RUFY4: variants seen among roughly 807,000 people sequenced by gnomAD.
The protein encoded by RUFY4 is RUN and FYVE domain containing 4, also known as RUN and FYVE domain-containing protein 4.
A neutral mutation model predicts 69.0 loss-of-function variants in RUFY4; 73 were observed. That is an observed-to-expected ratio of 1.06 (90% confidence interval 0.88 to 1.29). The LOEUF is 1.29. Among genes scored for constraint, RUFY4 ranks in the 50% most tolerant of loss-of-function variants. RUFY4 has a pLI of 0.00. For synonymous variants in RUFY4, 287 were observed against 271.8 expected (o/e 1.06, Z -0.55); for missense variants, 770 against 705.6 (o/e 1.09, Z -1.03).
At chr2:218,063,851 G>C (rs1296936562) in intron 3 of RUFY4, among the ~76,000 whole-genome samples, 4 of 152,106 alleles carry the variant, frequency 2.6e-5, no homozygotes, top group Non-Finnish European at 5.9e-5. Context: ...AGGTTCCTAA[G>C]AAGCTCTTCC....
At chr2:218,037,848 C>G (rs1227770955) in intron 2 of RUFY4, among the ~76,000 whole-genome samples, 1 of 152,094 alleles carries the variant, frequency 6.6e-6, no homozygotes, top group Non-Finnish European at 1.5e-5. Context: ...CTGGAAGGAT[C>G]CTATGTGGAG....
chr2:218,062,367 C>CT (rs1689217346), intron 3 of RUFY4, among the ~76,000 whole-genome samples: 1 of 148,164 alleles, frequency 6.7e-6, no homozygotes, highest in Non-Finnish European at 1.5e-5. Flanking sequence ...GATTGCACCA[C>CT]TGCACTCCAG....
At chr2:218,074,021 A>G in intron 6 of RUFY4, 136 bp downstream of exon 8, 1 of 863,952 alleles carries the variant, frequency 1.2e-6, no homozygotes, top group South Asian at 1.4e-5. Context: ...GCAAGAGGCC[A>G]GTGTGTGGAG....
At chr2:218,083,824 C>A (rs893961177) in intron 9 of RUFY4, among the ~76,000 whole-genome samples, 14 of 151,656 alleles carry the variant, frequency 9.2e-5, no homozygotes, top group African/African-American at 3.4e-4. Flanking sequence ...ATAATGCACA[C>A]CCCCACCCAG....
At chr2:218,074,511 T>A (rs1005880225) in intron 6 of RUFY4, among the ~76,000 whole-genome samples, 1 of 152,012 alleles carries the variant, frequency 6.6e-6, no homozygotes, top group Non-Finnish European at 1.5e-5. Flanking sequence ...TGGGTACAGA[T>A]ACTATTAGTT....
chr2:218,072,352 C>A (rs1377841436), intron 2 of RUFY4, 22 bp from the exon 5 acceptor site: 2 of 1,536,902 alleles, frequency 1.3e-6, no homozygotes, highest in Non-Finnish European at 1.7e-6. Flanking sequence ...TCTACACTTT[C>A]TTTGCCTCAT....
At chr2:218,071,782 C>T (rs1026759024) in intron 2 of RUFY4, among the ~76,000 whole-genome samples, 6 of 152,154 alleles carry the variant, frequency 3.9e-5, no homozygotes, top group Non-Finnish European at 5.9e-5. Context: ...CTCCGGGCCC[C>T]GGGACCCATC....
At chr2:218,090,500 C>T (rs570860366) in exon 11 of RUFY4, 1 of 170,740 alleles carries the variant, frequency 5.9e-6, no homozygotes, top group East Asian at 1.5e-4. Context: ...GAGTCAGCTT[C>T]AGGGATCTGT....
intron 2 of RUFY4, among the ~76,000 whole-genome samples, chr2:218,044,973 G>T (rs894887698): frequency 6.6e-6 from 1 of 152,132 alleles, no homozygotes; most frequent in Non-Finnish European, 1.5e-5. Flanking sequence ...GGAATTGCTG[G>T]GTAGAATTGT....
intron 2 of RUFY4, chr2:218,058,530 G>T (rs1689113927): frequency 6.6e-6 from 1 of 152,148 alleles, no homozygotes; most frequent in Non-Finnish European, 1.5e-5. Context: ...GGAGGGATTT[G>T]TACTGAGTCA....
chr2:218,075,930 C>T (rs923817860), intron 7 of RUFY4, among the ~76,000 whole-genome samples, 190 bp downstream of exon 9: 3 of 152,164 alleles, frequency 2.0e-5, no homozygotes, highest in Admixed American at 6.5e-5. Flanking sequence ...CCCGCCTCTC[C>T]CTATTGCCCC....
At chr2:218,060,883 T>A (rs1215919236) in intron 3 of RUFY4, 1 of 1,224,234 alleles carries the variant, frequency 8.2e-7, no homozygotes, top group African/African-American at 1.5e-5. Flanking sequence ...AAAAGCAAGA[T>A]GCGTAGGGAC....
At chr2:218,083,405 A>G (rs1220122901) in intron 9 of RUFY4, 149 bp downstream of exon 11, 1 of 1,093,042 alleles carries the variant, frequency 9.1e-7, no homozygotes, top group Non-Finnish European at 1.3e-6. Flanking sequence ...TCTTTTAGCC[A>G]CTCCCTGCTG....
intron 2 of RUFY4, among the ~76,000 whole-genome samples, chr2:218,042,049 G>C (rs147912533): frequency 1.8e-4 from 28 of 152,328 alleles, no homozygotes; most frequent in African/African-American, 5.8e-4. Flanking sequence ...TTGTAGGCTT[G>C]AGTAGTTGGG....
At chr2:218,037,150 C>A (rs1246728002) in intron 2 of RUFY4, among the ~76,000 whole-genome samples, 2 of 152,076 alleles carry the variant, frequency 1.3e-5, no homozygotes, top group Non-Finnish European at 2.9e-5. Flanking sequence ...GAAACCCCAT[C>A]TCTACTAAAA....
At chr2:218,074,907 C>G (rs10932744) in intron 6 of RUFY4, among the ~76,000 whole-genome samples, 186 bp from the exon 9 acceptor site, 1 of 151,898 alleles carries the variant, frequency 6.6e-6, no homozygotes, top group Admixed American at 6.6e-5. Context: ...CAAAGCATGG[C>G]GCTCAGATCA....
intron 2 of RUFY4, among the ~76,000 whole-genome samples, chr2:218,040,026 G>A (rs1959039630): frequency 6.6e-6 from 1 of 152,164 alleles, no homozygotes; most frequent in Non-Finnish European, 1.5e-5. Flanking sequence ...CTGCTGTAAA[G>A]TCAAATCCTT....
At chr2:218,059,579 G>T (rs180703996) in intron 3 of RUFY4, 1 of 166,990 alleles carries the variant, frequency 6.0e-6, no homozygotes, top group Admixed American at 6.5e-5. Context: ...AGGTTCGTCC[G>T]TGTTGTAACA....
At position 218,051,567 on chromosome 2, in the gene RUFY4, TTAAA is replaced by T. The variant is rs1195206263; in HGVS notation, c.-1157-7027_-1157-7024del. 7.9e-3 allele frequency among the ~76,000 whole-genome samples: 986 copies of T among 125,274 alleles called. 9 individuals carry two copies. The highest frequency in any genetic ancestry group is 0.026 in the African/African-American group (913 of 34,804). 82.2% of individuals were successfully genotyped at this position (125,274 alleles called of 152,430 possible). On this transcript the variant is annotated intron_variant and NMD_transcript_variant, in intron 2 of 13. Transcript: ENST00000457754. ...TAAAATGACTGGCTGTTCCAATATT[TTAAA>T]AAAAAAAAAAAAAAAAACACAGAAA...
Sources: allele counts gnomAD v4.1 joint callset (sites outside exome capture counted in the v4.1 genomes callset), GRCh38; gene constraint gnomAD v4.1.1; transcripts MANE v1.5; gene names NCBI Gene and HGNC (gene_info 2026-07-23, HGNC 2026-07-21).